The following MARCHF1 variants were observed in gnomAD, a reference collection of about 807,000 sequenced individuals.
MARCHF1 encodes membrane associated ring-CH-type finger 1.
In MARCHF1, 40 loss-of-function variants were observed where a neutral mutation model predicts 54.2. The observed-to-expected ratio is 0.74, with a 90% confidence interval of 0.57 to 0.96. The LOEUF (loss-of-function observed/expected upper bound fraction) is 0.96, where lower values mean the gene tolerates loss of function less well. Ranked by LOEUF, MARCHF1 falls within the 40% of genes least tolerant of loss-of-function variation. The pLI is 0.00. For missense variants in MARCHF1, 586 were observed against 656.5 expected, an observed-to-expected ratio of 0.89 and a Z score of 1.17; for synonymous variants, 236 against 236.3, an observed-to-expected ratio of 1.00 and a Z score of 0.01.
chr4:163,854,252 C>A, intron 3 of MARCHF1, 83 bp from the exon 4 acceptor site: 3 of 1,072,178 alleles, frequency 2.8e-6, no homozygotes, highest in South Asian at 1.9e-5. Flanking sequence ...ATTAAATCAA[C>A]AATATAACAA....
intron 4 of MARCHF1, among the ~76,000 whole-genome samples, chr4:163,771,077 G>A (rs977152503): frequency 6.6e-5 from 10 of 152,088 alleles, no homozygotes; most frequent in Admixed American, 6.6e-4. Context: ...GAAAAATAGT[G>A]ACCAAATTTT....
intron 2 of MARCHF1, among the ~76,000 whole-genome samples, chr4:164,045,348 C>A (rs1331490785): frequency 6.6e-6 from 1 of 151,636 alleles, no homozygotes; most frequent in Non-Finnish European, 1.5e-5. Context: ...CCTGTCTCTA[C>A]CAAAAATACA....
intron 2 of MARCHF1, among the ~76,000 whole-genome samples, chr4:164,059,716 T>A (rs546793994): frequency 4.2e-4 from 64 of 152,276 alleles, no homozygotes; most frequent in Middle Eastern, 3.4e-3. Context: ...GGTATTTTTT[T>A]AAAATTCTTA....
At chr4:163,607,905 G>T (rs1281284695) in intron 7 of MARCHF1, among the ~76,000 whole-genome samples, 1 of 152,094 alleles carries the variant, frequency 6.6e-6, no homozygotes, top group Non-Finnish European at 1.5e-5. Flanking sequence ...CCCTCCAGTT[G>T]TCACTGATGC....
intron 4 of MARCHF1, among the ~76,000 whole-genome samples, chr4:163,822,285 T>C (rs1748714844): frequency 6.6e-6 from 1 of 151,958 alleles, no homozygotes; most frequent in African/African-American, 2.4e-5. Flanking sequence ...TGCTCTGTAA[T>C]TATTTCTACT....
chr4:163,693,004 A>C (rs1333221328), intron 5 of MARCHF1, among the ~76,000 whole-genome samples: 2 of 151,528 alleles, frequency 1.3e-5, no homozygotes. Flanking sequence ...CATGGACGTT[A>C]ATATACAATC....
intron 7 of MARCHF1, among the ~76,000 whole-genome samples, chr4:163,608,958 G>T (rs1313494432): frequency 2.0e-5 from 3 of 152,048 alleles, no homozygotes. Context: ...ATCTTTTGTA[G>T]TGATTTAATT....
intron 1 of MARCHF1, among the ~76,000 whole-genome samples, chr4:164,264,656 A>G (rs1733558753): frequency 6.6e-6 from 1 of 152,126 alleles, no homozygotes; most frequent in Admixed American, 6.6e-5. Flanking sequence ...GCAGTGGCTC[A>G]CACCTGTAAT....
At chr4:163,749,820 G>A (rs546307397) in intron 4 of MARCHF1, among the ~76,000 whole-genome samples, 3 of 151,940 alleles carry the variant, frequency 2.0e-5, no homozygotes, top group East Asian at 2.0e-4. Context: ...TCCCCACTTC[G>A]GGAGGCCGAG....
chr4:164,188,502 T>C (rs1731036835), intron 1 of MARCHF1: 2 of 685,318 alleles, frequency 2.9e-6, no homozygotes, highest in African/African-American at 3.5e-5. Context: ...TACTGCTGCG[T>C]CTGTGTGTTC....
chr4:163,821,820 C>CA (rs1179662199), intron 4 of MARCHF1, among the ~76,000 whole-genome samples: 2 of 149,478 alleles, frequency 1.3e-5, no homozygotes, highest in Non-Finnish European at 3.0e-5. Context: ...AAAGAGAGCT[C>CA]AGAGAAAACA....
intron 2 of MARCHF1, among the ~76,000 whole-genome samples, chr4:163,995,857 T>C (rs1274353892): frequency 6.6e-6 from 1 of 152,070 alleles, no homozygotes; most frequent in Non-Finnish European, 1.5e-5. Flanking sequence ...TGTTCTTTCA[T>C]CAATTTCTGA....
intron 3 of MARCHF1, among the ~76,000 whole-genome samples, chr4:163,906,009 C>T (rs1751059522): frequency 1.3e-5 from 2 of 152,110 alleles, no homozygotes; most frequent in East Asian, 3.9e-4. Flanking sequence ...TCATGTCTGT[C>T]AGACAAAATA....
chr4:164,000,950 G>A (rs1229053643), intron 2 of MARCHF1, among the ~76,000 whole-genome samples: 2 of 151,748 alleles, frequency 1.3e-5, no homozygotes, highest in Admixed American at 6.6e-5. Flanking sequence ...TAGTCATTAA[G>A]AAGGGCTGCA....
At chr4:163,829,596 G>A (rs1162458208) in intron 4 of MARCHF1, among the ~76,000 whole-genome samples, 1 of 152,160 alleles carries the variant, frequency 6.6e-6, no homozygotes, top group Non-Finnish European at 1.5e-5. Context: ...CTACAGAAGT[G>A]CACGCAGGCT....
chr4:163,935,366 T>C (rs1361174897), intron 3 of MARCHF1, among the ~76,000 whole-genome samples: 2 of 152,220 alleles, frequency 1.3e-5, no homozygotes, highest in African/African-American at 2.4e-5. Context: ...TTCACCTACA[T>C]TGAAAATCTG....
At chr4:163,733,149 TTCTC>T (rs377396807) in intron 4 of MARCHF1, among the ~76,000 whole-genome samples, 11 of 62,592 alleles carry the variant, frequency 1.8e-4, no homozygotes, top group Non-Finnish European at 2.8e-4. Flanking sequence ...AAGACTCCAT[TTCTC>T]TCTCTCTCTC....
At chr4:163,611,642 A>G (rs1229626681) in intron 7 of MARCHF1, among the ~76,000 whole-genome samples, 1 of 152,102 alleles carries the variant, frequency 6.6e-6, no homozygotes, top group Non-Finnish European at 1.5e-5. Context: ...AAAAAGAGCA[A>G]GAACGCTGCC....
At chr4:164,326,039 T>G (rs1735272737) in intron 1 of MARCHF1, among the ~76,000 whole-genome samples, 2 of 152,216 alleles carry the variant, frequency 1.3e-5, no homozygotes, top group African/African-American at 2.4e-5. Flanking sequence ...AAAACATTTC[T>G]TAATACTAAA....
Sources: allele counts gnomAD v4.1 joint callset (sites outside exome capture counted in the v4.1 genomes callset), GRCh38; gene constraint gnomAD v4.1.1; transcripts MANE v1.5; gene names NCBI Gene and HGNC (gene_info 2026-07-23, HGNC 2026-07-21).